Variants in DCTD observed in about 807,000 individuals in gnomAD.
The protein encoded by DCTD is dCMP deaminase.
A neutral mutation model predicts 21.0 loss-of-function variants in DCTD; 23 were observed. The ratio of observed to expected loss-of-function variants is 1.09; its 90% CI spans 0.79 to 1.55. The LOEUF (loss-of-function observed/expected upper bound fraction) is 1.55. Among genes scored for constraint, DCTD ranks in the 40% most tolerant of loss-of-function variants. DCTD has a pLI of 0.00. For synonymous variants in DCTD, 71 were observed against 81.1 expected, an observed-to-expected ratio of 0.88 and a Z score of 0.67; for missense variants, 224 against 230.0, an observed-to-expected ratio of 0.97 and a Z score of 0.17.
At chr4:182,912,149 C>CAAA (rs34737293) in intron 3 of DCTD, among the ~76,000 whole-genome samples, 2 of 82,278 alleles carry the variant, frequency 2.4e-5, no homozygotes, top group African/African-American at 4.5e-5. Context: ...AAAACGAAAG[C>CAAA]AAAAAAAAAA....
rs1579637563 is a variant in DCTD at position 182,890,272 on chromosome 4, C to T, written c.*1127G>A. 6.6e-6 allele frequency: 1 copy of T among 152,302 alleles called. No homozygotes were observed. Among genetic ancestry groups the T allele is most frequent in the East Asian group, 1.9e-4 (1 of 5,182 alleles). 9.4% of individuals were successfully genotyped at this position (152,302 alleles called of 1,614,324 possible). ...AGAAAGCCTTTTCTCAACACAGGTACTGAGCATGTTTAATAAAAATTAAAT... is the reference window on the plus strand; with the variant it reads ...AGAAAGCCTTTTCTCAACACAGGTATTGAGCATGTTTAATAAAAATTAAAT... On this transcript the variant is annotated 3_prime_UTR_variant, in exon 6 of 6. Transcript: ENST00000438320.
chr4:182,899,880 C>G (rs148572315), intron 3 of DCTD, among the ~76,000 whole-genome samples: 15 of 152,146 alleles, frequency 9.9e-5, no homozygotes, highest in African/African-American at 3.4e-4. Context: ...ATCCAAAATG[C>G]TTAGGAGCAG....
At chr4:182,896,451 A>C (rs980097010) in intron 3 of DCTD, among the ~76,000 whole-genome samples, 1 of 152,232 alleles carries the variant, frequency 6.6e-6, no homozygotes, top group African/African-American at 2.4e-5. Context: ...GCATTGCAGG[A>C]AAATCAAAAG....
chr4:182,896,606 G>A (rs1488911497), intron 3 of DCTD, among the ~76,000 whole-genome samples: 9 of 152,140 alleles, frequency 5.9e-5, no homozygotes, highest in Non-Finnish European at 1.0e-4. Flanking sequence ...AGAAGGGTGC[G>A]AGGGCCCGGG....
At chr4:182,916,581 G>A (rs1015757972) in intron 1 of DCTD, 121 of 991,326 alleles carry the variant, frequency 1.2e-4, no homozygotes, top group African/African-American at 2.4e-4. Context: ...TGGGAACCAC[G>A]GTCACCCACT....
intron 3 of DCTD, among the ~76,000 whole-genome samples, chr4:182,914,151 G>A (rs1038216043): frequency 1.3e-5 from 2 of 152,166 alleles, no homozygotes; most frequent in Non-Finnish European, 2.9e-5. Flanking sequence ...GAGATTACAG[G>A]CACCTGCCAC....
At position 182,891,194 on chromosome 4, in the gene DCTD, T is replaced by C. The variant is rs1733678982; in HGVS notation, c.*205A>G. 1 of 511,604 alleles carries C rather than the reference T, an allele frequency of 2.0e-6. No individual in the cohort carries two copies. The highest frequency in any genetic ancestry group is 3.0e-5 in the East Asian group (1 of 33,064). The allele number at this position is 511,604 out of a possible 1,614,324, so 31.7% of individuals were successfully genotyped here. ...CAGGCCACCACAGGCTCCCCTATTT[T>C]AAACCCTAAAGCAATAGTTCAAACA... On this transcript the variant is annotated 3_prime_UTR_variant, in exon 6 of 6. Coordinates refer to ENST00000438320, the MANE Select transcript of DCTD (RefSeq NM_001921.3).
At chr4:182,908,851 C>A (rs756300042) in intron 3 of DCTD, among the ~76,000 whole-genome samples, 4 of 152,122 alleles carry the variant, frequency 2.6e-5, no homozygotes, top group Non-Finnish European at 5.9e-5. Flanking sequence ...TTTCAACAAA[C>A]CTTTTATCTT....
chr4:182,904,370 G>A (rs1018629761), intron 3 of DCTD, among the ~76,000 whole-genome samples: 4 of 152,220 alleles, frequency 2.6e-5, no homozygotes, highest in Admixed American at 6.5e-5. Context: ...AAATGCACAC[G>A]TGATGCCTAA....
chr4:182,894,359 T>C, intron 4 of DCTD, 130 bp downstream of exon 4: 1 of 609,072 alleles, frequency 1.6e-6, no homozygotes, highest in South Asian at 2.2e-5. Context: ...ACGGGAAATA[T>C]CTTGCAAAGC....
intron 3 of DCTD, among the ~76,000 whole-genome samples, chr4:182,901,994 G>A (rs910066789): frequency 1.1e-4 from 16 of 152,078 alleles, no homozygotes; most frequent in African/African-American, 2.2e-4. Context: ...GGAAACTTCC[G>A]CTGAGGGATG....
At chr4:182,906,314 G>C (rs1288817707) in intron 3 of DCTD, among the ~76,000 whole-genome samples, 1 of 152,110 alleles carries the variant, frequency 6.6e-6, no homozygotes, top group Non-Finnish European at 1.5e-5. Flanking sequence ...GACTGCCTCA[G>C]AAAGGAATAT....
At chr4:182,898,624 C>G (rs1351248170) in intron 3 of DCTD, among the ~76,000 whole-genome samples, 1 of 152,140 alleles carries the variant, frequency 6.6e-6, no homozygotes, top group Non-Finnish European at 1.5e-5. Flanking sequence ...GCCCCTTCCT[C>G]CCTCCATCTC....
intron 3 of DCTD, among the ~76,000 whole-genome samples, chr4:182,913,879 C>A (rs1738177455): frequency 6.6e-6 from 1 of 152,216 alleles, no homozygotes; most frequent in African/African-American, 2.4e-5. Flanking sequence ...CTTAGACAGG[C>A]AACAAACTCT....
chr4:182,895,753 C>G, intron 3 of DCTD, among the ~76,000 whole-genome samples: 1 of 152,210 alleles, frequency 6.6e-6, no homozygotes, highest in East Asian at 1.9e-4. Flanking sequence ...ACAGCCGTGA[C>G]TTGCAAACCT....
chr4:182,916,665 T>C (rs1338579451), intron 1 of DCTD: 3 of 1,009,346 alleles, frequency 3.0e-6, no homozygotes, highest in Non-Finnish European at 3.6e-6. Flanking sequence ...ATCAGCCTGG[T>C]TTCCCACCTG....
intron 3 of DCTD, among the ~76,000 whole-genome samples, chr4:182,900,005 G>T (rs1277351781): frequency 7.0e-6 from 1 of 141,918 alleles, no homozygotes; most frequent in Non-Finnish European, 1.6e-5. Flanking sequence ...CAAGTGTCAT[G>T]CTGGTGTGCA....
chr4:182,900,608 AAG>A (rs1323019194), intron 3 of DCTD, among the ~76,000 whole-genome samples: 1 of 152,130 alleles, frequency 6.6e-6, no homozygotes, highest in Non-Finnish European at 1.5e-5. Flanking sequence ...TAAAAAAAAA[AAG>A]AAAAAAAGAT....
At chr4:182,915,107 G>A (rs370233851) in intron 2 of DCTD, 49 bp from the exon 3 acceptor site, 1 of 1,612,976 alleles carries the variant, frequency 6.2e-7, no homozygotes, top group Non-Finnish European at 8.5e-7. Flanking sequence ...TGGCTGGTCT[G>A]CCGCTGTGGA....
Sources: gnomAD v4.1 joint callset for allele counts (sites outside exome capture counted in the v4.1 genomes callset) on GRCh38, gnomAD v4.1.1 for gene constraint, MANE v1.5 for transcripts, NCBI Gene and HGNC (gene_info 2026-07-23, HGNC 2026-07-21) for gene names.